The following DNM1L variants were observed in gnomAD, a reference collection of about 807,000 sequenced individuals.
DNM1L encodes the protein dynamin 1L, also known as dynamin-1-like protein.
A neutral mutation model predicts 92.8 loss-of-function variants in DNM1L; 33 were observed. The ratio of observed to expected loss-of-function variants is 0.36; its 90% CI spans 0.27 to 0.48. The LOEUF (loss-of-function observed/expected upper bound fraction) is 0.48. DNM1L is among the 20% of genes least tolerant of loss of function. DNM1L has a pLI of 0.99. For synonymous variants in DNM1L, 284 were observed against 305.0 expected, an observed-to-expected ratio of 0.93 and a Z score of 0.72; for missense variants, 485 against 888.8, an observed-to-expected ratio of 0.55 and a Z score of 5.78.
rs770871428 is a variant in DNM1L, at chr12:32,744,948, C to CT, written c.*1546dup. 20 of 513,750 alleles carry CT rather than the reference C, an allele frequency of 3.9e-5. No individual in the cohort carries two copies. The highest frequency in any genetic ancestry group is 2.3e-4 in the South Asian group (16 of 68,924). 31.8% of individuals were successfully genotyped at this position (513,750 alleles called of 1,614,324 possible). A position where few individuals can be genotyped will look rare whatever the true frequency, so the allele number is the denominator to read the frequency against. ...CAACACATTTATATTGCAGATATTACTTTTTTTTCAGTTTATGACCAGGTA... is the reference window on the plus strand; with the variant it reads ...CAACACATTTATATTGCAGATATTACTTTTTTTTTCAGTTTATGACCAGGTA... On this transcript the variant is annotated 3_prime_UTR_variant, in exon 20 of 20. Coordinates refer to ENST00000549701, the MANE Select transcript of DNM1L (RefSeq NM_012062.5).
At chr12:32,706,098 C>A in intron 2 of DNM1L, 1 of 421,728 alleles carries the variant, frequency 2.4e-6, no homozygotes, top group Non-Finnish European at 4.1e-6. Context: ...GCTTGTGAAG[C>A]CAAGCCTTTT....
intron 1 of DNM1L, among the ~76,000 whole-genome samples, chr12:32,691,073 G>A (rs1250998487): frequency 6.6e-6 from 1 of 152,134 alleles, no homozygotes; most frequent in Non-Finnish European, 1.5e-5. Flanking sequence ...TCACAGTTCT[G>A]GAGGCTAGAA....
intron 1 of DNM1L, chr12:32,692,662 A>AGAAGCATCAAAT (rs1299955523): frequency 2.0e-5 from 3 of 152,372 alleles, no homozygotes; most frequent in Non-Finnish European, 4.4e-5. Flanking sequence ...TGTGGTTTCT[A>AGAAGCATCAAAT]GAAGCATCAA....
rs1220112940 is a variant in DNM1L at position 32,717,409 on chromosome 12, ATATATTTTAAATATATACT to A, written c.620-1233_620-1215del. On this transcript the variant is annotated intron_variant, in intron 6 of 19. Coordinates refer to ENST00000549701, the MANE Select transcript of DNM1L (RefSeq NM_012062.5). ...ATATATAGTATATATAATATATAAT[ATATATTTTAAATATATACT>A]ATATATATTTTAAATATATACTATA... Among the ~76,000 whole-genome samples, 13 of 45,980 alleles carry A rather than the reference ATATATTTTAAATATATACT, an allele frequency of 2.8e-4. 1 individual carries two copies. Among genetic ancestry groups the A allele is most frequent in the Middle Eastern group, 0.011 (1 of 94 alleles). The allele number at this position is 45,980 out of a possible 152,430, so 30.2% of individuals were successfully genotyped here.
At chr12:32,726,418 T>G (rs1954142582) in intron 9 of DNM1L, 17 of 1,526,250 alleles carry the variant, frequency 1.1e-5, no homozygotes, top group Middle Eastern at 2.4e-4. Context: ...TGATCCTTCT[T>G]CGGGTCATAG....
At chr12:32,737,322 G>A (rs1278848613) in intron 14 of DNM1L, 161 bp downstream of exon 14, 4 of 657,662 alleles carry the variant, frequency 6.1e-6, no homozygotes, top group African/African-American at 1.8e-5. Flanking sequence ...TGGGTTTTGA[G>A]TGATTTAAAG....
rs920981144 is a variant in DNM1L, at chr12:32,727,420, G to T, written c.1080-3594G>T. Reference sequence around the variant, plus strand: ...AGTGGCTACTATGAGAAGCCAGGCGGCTGGAGCTGTGCAGGCAGTGACTCA... The same window carrying T: ...AGTGGCTACTATGAGAAGCCAGGCGTCTGGAGCTGTGCAGGCAGTGACTCA... On this transcript the variant is annotated intron_variant, in intron 9 of 19. Transcript: ENST00000549701. 1.0e-4 allele frequency: 74 copies of T among 736,586 alleles called. 1 individual carries two copies. The Admixed American group carries it at 1.4e-3, about 14-fold the overall frequency. The allele number at this position is 736,586 out of a possible 1,614,324, so 45.6% of individuals were successfully genotyped here.
intron 6 of DNM1L, among the ~76,000 whole-genome samples, chr12:32,715,850 C>G (rs1953340243): frequency 6.6e-6 from 1 of 152,184 alleles, no homozygotes; most frequent in African/African-American, 2.4e-5. Context: ...GGGAAACAGT[C>G]TGGCAGTTTC....
chr12:32,727,326 A>G, intron 9 of DNM1L: 2 of 852,614 alleles, frequency 2.3e-6, no homozygotes, highest in Non-Finnish European at 4.1e-6. Flanking sequence ...GAGAGCATTC[A>G]CTCCTCTTTT....
At chr12:32,710,214 G>C (rs1953074089) in intron 4 of DNM1L, among the ~76,000 whole-genome samples, 1 of 152,248 alleles carries the variant, frequency 6.6e-6, no homozygotes, top group East Asian at 1.9e-4. Flanking sequence ...AGATTAAAGA[G>C]TTAGATAAAC....
At chr12:32,724,733 G>A (rs1954023415) in intron 9 of DNM1L, among the ~76,000 whole-genome samples, 1 of 148,512 alleles carries the variant, frequency 6.7e-6, no homozygotes, top group Non-Finnish European at 1.5e-5. Flanking sequence ...AGTTTAGTTT[G>A]ATAACTGTTT....
At chr12:32,740,655 G>A (rs867724372) in intron 18 of DNM1L, 137 bp downstream of exon 18, 2 of 758,968 alleles carry the variant, frequency 2.6e-6, no homozygotes, top group African/African-American at 1.7e-5. Flanking sequence ...TAGTCCTTGG[G>A]TAACTTGTAG....
chr12:32,740,738 G>T (rs1441555830), intron 18 of DNM1L, among the ~76,000 whole-genome samples: 5 of 152,162 alleles, frequency 3.3e-5, no homozygotes, highest in Non-Finnish European at 7.3e-5. Context: ...AAAAATGAGA[G>T]ATTCTTTTGT....
Position 32,742,625 on chromosome 12 carries a change from T to A in DNM1L, c.2031T>A (p.His677Gln). 6.2e-7 allele frequency: 1 copy of A among 1,614,116 alleles called. No individual in the cohort carries two copies. The highest frequency in any genetic ancestry group is 8.5e-7 in the Non-Finnish European group (1 of 1,179,988). ...PKAVMHFLVNHVKDTLQSELV... is the reference protein window; with the variant it reads ...PKAVMHFLVNQVKDTLQSELV... ...CAGTAATGCATTTTTTGGTTAATCATGTGAAAGACACTCTTCAGAGTGAGC... is the reference window on the plus strand; with the variant it reads ...CAGTAATGCATTTTTTGGTTAATCAAGTGAAAGACACTCTTCAGAGTGAGC... Residue 677 changes from histidine (H) to glutamine (Q), a missense_variant, in exon 19 of 20, where the codon CAT becomes CAA. By Grantham distance (24) the His-to-Gln change is conservative. This residue lies in a region of DNM1L where 133 missense variants were observed against 210.9 expected (regional missense o/e 0.63). Transcript: ENST00000549701.
At chr12:32,710,045 G>A (rs1348603580) in intron 4 of DNM1L, among the ~76,000 whole-genome samples, 1 of 151,998 alleles carries the variant, frequency 6.6e-6, no homozygotes, top group Non-Finnish European at 1.5e-5. Context: ...CATGTACAAA[G>A]ACAGGGTATA....
In DNM1L at chr12:32,722,570, A is replaced by G; in HGVS notation, c.1016A>G (p.Lys339Arg). The change falls in exon 9 of 20, where the codon AAA becomes AGA. Residue 339 changes from lysine (K) to arginine (R), a missense_variant. Coordinates refer to ENST00000549701, the MANE Select transcript of DNM1L (RefSeq NM_012062.5). ...KSATLLQLIT[K>R]FATEYCNTIE... ...GCTACTTTACTCCAACTTATTACCA[A>G]ATTTGCCACAGAATATTGTAACACT... The G allele has an allele frequency of 3.7e-6, 6 of 1,613,412 alleles. No individual in the cohort carries two copies. Among genetic ancestry groups the G allele is most frequent in the Non-Finnish European group, 5.1e-6 (6 of 1,179,958 alleles).
intron 9 of DNM1L, chr12:32,725,539 C>T (rs1203688177): frequency 1.3e-5 from 2 of 152,188 alleles, no homozygotes; most frequent in Admixed American, 1.3e-4. Context: ...AATCCATTAA[C>T]AATCTAATAC....
intron 18 of DNM1L, among the ~76,000 whole-genome samples, chr12:32,741,044 A>G (rs1955250127): frequency 6.6e-6 from 1 of 152,238 alleles, no homozygotes; most frequent in Non-Finnish European, 1.5e-5. Flanking sequence ...GATCTATTAG[A>G]AAATATTCTG....
chr12:32,712,633 GA>G (rs1215080621), intron 5 of DNM1L, among the ~76,000 whole-genome samples: 1 of 104,004 alleles, frequency 9.6e-6, no homozygotes, highest in Non-Finnish European at 1.7e-5. Context: ...CTATGTGATA[GA>G]GTGAGACCCT....
Sources: gnomAD v4.1 joint callset for allele counts (sites outside exome capture counted in the v4.1 genomes callset) on GRCh38, gnomAD v4.1.1 for gene constraint, gnomAD v4.1.1 regional missense constraint, MANE v1.5 for transcripts, NCBI Gene and HGNC (gene_info 2026-07-23, HGNC 2026-07-21) for gene names.